The following VIT variants were observed in gnomAD, a reference collection of about 807,000 sequenced individuals.
VIT encodes vitrin.
In VIT, 99 loss-of-function variants were observed where a neutral mutation model predicts 78.0. That is an observed-to-expected ratio of 1.27 (90% CI 1.08 to 1.50). The LOEUF is 1.50. Ranked by LOEUF, VIT falls within the 40% of genes most tolerant of loss-of-function variation. The pLI is 0.00. For missense variants in VIT, 1,126 were observed against 875.3 expected (o/e 1.29, Z -3.61); for synonymous variants, 374 against 334.3 (o/e 1.12, Z -1.29).
rs1400103349 is a variant in VIT, at chr2:36,696,961, T to G, written c.-31T>G. 2.0e-5 allele frequency: 3 copies of G among 152,198 alleles called. No individual in the cohort carries two copies. The highest frequency in any genetic ancestry group is 7.2e-5 in the African/African-American group (3 of 41,446). 9.4% of individuals were successfully genotyped at this position (152,198 alleles called of 1,614,324 possible). A position where few individuals can be genotyped will look rare whatever the true frequency, so the allele number is the denominator to read the frequency against. ...AAAATTTTTTGAAAAAAAAATTGCC[T>G]TCTTCAAACAAGGTATGTCTGATGA... On this transcript the variant is annotated 5_prime_UTR_variant, in exon 1 of 16. Transcript: ENST00000379242.
chr2:36,776,328 C>A (rs1670042273), intron 9 of VIT, among the ~76,000 whole-genome samples: 1 of 152,186 alleles, frequency 6.6e-6, no homozygotes, highest in Non-Finnish European at 1.5e-5. Flanking sequence ...TCAACAACAA[C>A]AACATATCAC....
chr2:36,750,520 GA>G (rs1220286472), intron 4 of VIT, among the ~76,000 whole-genome samples: 1 of 152,144 alleles, frequency 6.6e-6, no homozygotes, highest in Non-Finnish European at 1.5e-5. Context: ...CACCAAAGAT[GA>G]CATTAAAATA....
At chr2:36,753,284 G>A (rs530106604) in intron 4 of VIT, among the ~76,000 whole-genome samples, 80 of 152,160 alleles carry the variant, frequency 5.3e-4, no homozygotes, top group African/African-American at 1.7e-3. Context: ...GTGATGGGAT[G>A]ATCTGTGCAG....
chr2:36,796,396 T>C (rs1176649225), intron 12 of VIT, among the ~76,000 whole-genome samples: 1 of 152,230 alleles, frequency 6.6e-6, no homozygotes, highest in Non-Finnish European at 1.5e-5. Flanking sequence ...TTGGAAGGAA[T>C]GGCTCAGTAC....
At chr2:36,759,285 C>T (rs1291159106) in intron 6 of VIT, 3 of 1,458,254 alleles carry the variant, frequency 2.1e-6, no homozygotes, top group African/African-American at 2.8e-5. Flanking sequence ...ATATTTGTGT[C>T]ATTTTCATTC....
intron 4 of VIT, among the ~76,000 whole-genome samples, chr2:36,744,664 C>T (rs762347912): frequency 6.6e-6 from 1 of 151,648 alleles, no homozygotes; most frequent in Non-Finnish European, 1.5e-5. Context: ...CACTTTTTAA[C>T]GTGGTTGTTT....
intron 12 of VIT, among the ~76,000 whole-genome samples, chr2:36,800,772 C>T (rs185940100): frequency 6.6e-6 from 1 of 152,280 alleles, no homozygotes; most frequent in African/African-American, 2.4e-5. Context: ...AGATGTTGAC[C>T]TTCTAGATGA....
chr2:36,767,232 C>G lies in VIT; in HGVS notation c.626C>G (p.Ser209Cys). Reference sequence around the variant, plus strand: ...CCAAGGCCATCCCCTTCTGCTGCTTCTACCACCAGCATCCCCAGACCACAA... The same window carrying G: ...CCAAGGCCATCCCCTTCTGCTGCTTGTACCACCAGCATCCCCAGACCACAA... ...TLPRPSPSAA[S>C]TTSIPRPQSV... Residue 209 changes from serine (S) to cysteine (C), a missense_variant, in exon 7 of 16, where the codon TCT becomes TGT. Transcript: ENST00000379242. 2 of 1,602,680 alleles carry G rather than the reference C, an allele frequency of 1.2e-6. No individual in the cohort carries two copies. The highest frequency in any genetic ancestry group is 1.7e-6 in the Non-Finnish European group (2 of 1,175,066).
intron 12 of VIT, among the ~76,000 whole-genome samples, chr2:36,795,374 ATTT>A (rs1186690562): frequency 1.4e-3 from 120 of 86,922 alleles, no homozygotes; most frequent in African/African-American, 3.7e-3. Flanking sequence ...TATTTATTTT[ATTT>A]TATTTTATAT....
chr2:36,714,674 T>G (rs987803492), intron 1 of VIT, among the ~76,000 whole-genome samples: 1 of 152,190 alleles, frequency 6.6e-6, no homozygotes, highest in Non-Finnish European at 1.5e-5. Flanking sequence ...CTCCACAAAC[T>G]TCTCCCTTAT....
intron 4 of VIT, among the ~76,000 whole-genome samples, chr2:36,750,269 C>T (rs1332127313): frequency 1.3e-5 from 2 of 152,232 alleles, no homozygotes; most frequent in African/African-American, 4.8e-5. Flanking sequence ...TACATGCCTC[C>T]CACACATACT....
At chr2:36,714,495 G>C (rs1332697424) in intron 1 of VIT, among the ~76,000 whole-genome samples, 4 of 152,128 alleles carry the variant, frequency 2.6e-5, no homozygotes, top group Non-Finnish European at 4.4e-5. Flanking sequence ...GCAGAGGGTA[G>C]AGTTATGAAT....
At chr2:36,756,073 T>G (rs913742888) in intron 5 of VIT, among the ~76,000 whole-genome samples, 1 of 151,014 alleles carries the variant, frequency 6.6e-6, no homozygotes, top group Non-Finnish European at 1.5e-5. Context: ...TTTTCCTGCC[T>G]CAGCCTCCCG....
intron 1 of VIT, among the ~76,000 whole-genome samples, chr2:36,700,614 C>T (rs747436500): frequency 2.0e-5 from 3 of 152,036 alleles, no homozygotes. Flanking sequence ...TGGCTGTGCT[C>T]GCCTGTAGTA....
chr2:36,810,972 T>G (rs939877790), intron 15 of VIT, among the ~76,000 whole-genome samples: 28 of 152,192 alleles, frequency 1.8e-4, no homozygotes, highest in Admixed American at 1.7e-3. Context: ...TGGCAGGATT[T>G]TCTGAATGGT....
At chr2:36,806,947 C>A (rs1666774489) in intron 14 of VIT, among the ~76,000 whole-genome samples, 1 of 152,104 alleles carries the variant, frequency 6.6e-6, no homozygotes, top group African/African-American at 2.4e-5. Context: ...AACCTTAAAT[C>A]CCACCTATAA....
intron 9 of VIT, among the ~76,000 whole-genome samples, chr2:36,781,297 T>A (rs1572529041): frequency 6.6e-6 from 1 of 152,210 alleles, no homozygotes; most frequent in East Asian, 1.9e-4. Context: ...GGGCAAAAGA[T>A]TCAGTCTCAA....
intron 14 of VIT, among the ~76,000 whole-genome samples, chr2:36,806,143 G>T (rs1156975369): frequency 6.6e-6 from 1 of 152,190 alleles, no homozygotes; most frequent in African/African-American, 2.4e-5. Flanking sequence ...GTTCTGTGGA[G>T]ATGCCCAGCA....
At chr2:36,707,378 T>C (rs1665495653) in intron 1 of VIT, among the ~76,000 whole-genome samples, 1 of 152,130 alleles carries the variant, frequency 6.6e-6, no homozygotes, top group Admixed American at 6.5e-5. Context: ...TGCCCCCTTG[T>C]TCATTTCCAA....
Sources: allele counts gnomAD v4.1 joint callset (sites outside exome capture counted in the v4.1 genomes callset), GRCh38; gene constraint gnomAD v4.1.1; transcripts MANE v1.5; gene names NCBI Gene and HGNC (gene_info 2026-07-23, HGNC 2026-07-21).